NTMT1: variants seen among roughly 807,000 people sequenced by gnomAD.
NTMT1 encodes the protein N-terminal RCC1 methyltransferase.
NTMT1 carries 8 observed loss-of-function variants against 17.5 expected under a neutral mutation model. The observed-to-expected ratio is 0.46, with a 90% CI of 0.27 to 0.82. NTMT1 has a LOEUF of 0.82. NTMT1 is among the 40% of genes least tolerant of loss of function. The probability of loss-of-function intolerance (pLI) is 0.15; values close to 1 mark genes in which losing one functional copy is unlikely to be tolerated. For synonymous variants in NTMT1, 128 were observed against 126.8 expected, an observed-to-expected ratio of 1.01 and a Z score of -0.06; for missense variants, 221 against 303.5, an observed-to-expected ratio of 0.73 and a Z score of 2.02.
At chr9:129,611,392 T>A (rs1830112438) in intron 1 of NTMT1, among the ~76,000 whole-genome samples, 1 of 152,194 alleles carries the variant, frequency 6.6e-6, no homozygotes, top group South Asian at 2.1e-4. Context: ...GTCTGCCACC[T>A]TGTCTTTCGC....
intron 1 of NTMT1, chr9:129,612,380 CAGG>C (rs1830135515): frequency 5.6e-6 from 9 of 1,613,548 alleles, no homozygotes; most frequent in East Asian, 2.2e-5. Context: ...TTGCGGAGGC[CAGG>C]AGGAGATGGT....
At chr9:129,624,119 T>C (rs1245816515), upstream of NTMT1, among the ~76,000 whole-genome samples, 2 of 152,050 alleles carry the variant, frequency 1.3e-5, no homozygotes, top group African/African-American at 4.8e-5. Flanking sequence ...TAAGGAGCCC[T>C]CCAGCCCTTG....
intron 1 of NTMT1, among the ~76,000 whole-genome samples, chr9:129,609,617 G>C (rs1294124010): frequency 6.6e-6 from 1 of 151,696 alleles, no homozygotes; most frequent in Non-Finnish European, 1.5e-5. Flanking sequence ...CCCTGTTGGG[G>C]CCCCTGGGGA....
intron 1 of NTMT1, chr9:129,612,388 G>C: frequency 2.5e-6 from 4 of 1,613,444 alleles, no homozygotes; most frequent in Non-Finnish European, 3.4e-6. Context: ...GCCAGGAGGA[G>C]ATGGTACCCC....
At chr9:129,632,453 T>TG in intron 1 of NTMT1, among the ~76,000 whole-genome samples, 197 bp from the exon 2 acceptor site, 1 of 152,312 alleles carries the variant, frequency 6.6e-6, no homozygotes, top group East Asian at 1.9e-4. Context: ...AGCCAGGACT[T>TG]GGGGCGGGTG....
chr9:129,613,335 C>A lies in NTMT1; in HGVS notation c.-55+4157C>A. ...CTGGCAGGGCCCTTGAGGACCCACA[C>A]TGGCAACCCGCCTGCTGCTGGGTGG... is the stretch of plus-strand genomic sequence containing the variant. On this transcript the variant is annotated intron_variant, in intron 1 of 3. Coordinates refer to the NTMT1 transcript ENST00000372486. This position sits in a 1 kb window ranked among gnomAD's most constrained non-coding sequence, Gnocchi z 6.2. 1 of 1,566,458 alleles carries A rather than the reference C, an allele frequency of 6.4e-7. No individual in the cohort carries two copies. The highest frequency in any genetic ancestry group is 8.7e-7 in the Non-Finnish European group (1 of 1,155,000).
chr9:129,623,072 G>C (rs1414770520), upstream of NTMT1, among the ~76,000 whole-genome samples: 1 of 150,862 alleles, frequency 6.6e-6, no homozygotes, highest in East Asian at 2.0e-4. Context: ...GGTGGCTCAC[G>C]CCTGTAATCC....
rs371226067 is a variant in NTMT1 at position 129,632,656 on chromosome 9, C to T, written c.-48C>T. On this transcript the variant is annotated 5_prime_UTR_variant, in exon 2 of 4. Transcript: ENST00000372483. ...CGCCCCCTTCCTTACCCAGGAGAGT[C>T]GCGGTTGCTGATCGTGGTGCTTGAG... 3.1e-6 allele frequency: 5 copies of T among 1,605,326 alleles called. No homozygotes were observed. Among genetic ancestry groups the T allele is most frequent in the Middle Eastern group, 1.7e-4 (1 of 6,050 alleles).
chr9:129,625,517 T>A (rs1023608469), upstream of NTMT1, among the ~76,000 whole-genome samples: 4 of 152,148 alleles, frequency 2.6e-5, no homozygotes, highest in Admixed American at 2.6e-4. Flanking sequence ...GCTGCGGCTC[T>A]TTTCCGTTCG....
rs1387642448 is a variant in NTMT1 at position 129,626,221 on chromosome 9, TG to T, written c.-127del. 1.3e-5 allele frequency: 2 copies of T among 152,058 alleles called. No homozygotes were observed. The highest frequency in any genetic ancestry group is 4.8e-5 in the African/African-American group (2 of 41,396). The allele number at this position is 152,058 out of a possible 1,614,324, so 9.4% of individuals were successfully genotyped here. On this transcript the variant is annotated 5_prime_UTR_variant, in exon 1 of 4. Coordinates refer to ENST00000372483, the MANE Select transcript of NTMT1 (RefSeq NM_014064.4). ...GTCTGGCGGAGCTGCGGTTGGCTTG[TG>T]GCGTCTCCGCCGCCGCCGCCCTCCC...
In NTMT1 at chr9:129,620,764, T is replaced by G. The variant is rs1830664988; in HGVS notation, c.-55+11586T>G. 2.2e-6 allele frequency: 1 copy of G among 464,836 alleles called. No homozygotes were observed. Among genetic ancestry groups the G allele is most frequent in the Non-Finnish European group, 3.5e-6 (1 of 288,434 alleles). The allele number at this position is 464,836 out of a possible 1,614,324, so 28.8% of individuals were successfully genotyped here. On this transcript the variant is annotated intron_variant, in intron 1 of 3. Coordinates refer to the NTMT1 transcript ENST00000372486. This position sits in a 1 kb window ranked among gnomAD's most constrained non-coding sequence, Gnocchi z 5.8. ...GAGAGCTCCCAGAGCCTCTGTTTCCTCACCTGAAAAATGGTGACAGCAAGA... is the reference window on the plus strand; with the variant it reads ...GAGAGCTCCCAGAGCCTCTGTTTCCGCACCTGAAAAATGGTGACAGCAAGA...
At position 129,620,871 on chromosome 9, in the gene NTMT1, A is replaced by G; in HGVS notation, c.-55+11693A>G. ...AGAACAGCAAGCTCGGTACAGTGCC[A>G]GGCACGCTGGCCAAGCTTACACATA... On this transcript the variant is annotated intron_variant, in intron 1 of 3. Coordinates refer to the NTMT1 transcript ENST00000372486. This position sits in a 1 kb window ranked among gnomAD's most constrained non-coding sequence, Gnocchi z 5.8. 1 of 327,918 alleles carries G rather than the reference A, an allele frequency of 3.0e-6. No individual in the cohort carries two copies. The highest frequency in any genetic ancestry group is 5.5e-6 in the Non-Finnish European group (1 of 181,556). 20.3% of individuals were successfully genotyped at this position (327,918 alleles called of 1,614,324 possible).
intron 3 of NTMT1, 124 bp downstream of exon 3, chr9:129,634,430 C>G: frequency 3.6e-6 from 4 of 1,110,100 alleles, no homozygotes; most frequent in Non-Finnish European, 5.0e-6. Context: ...TTCCCCACCC[C>G]GCCCAGGCCC....
upstream of NTMT1, among the ~76,000 whole-genome samples, chr9:129,622,977 C>T (rs376072424): frequency 1.7e-4 from 24 of 144,638 alleles, no homozygotes; most frequent in East Asian, 2.7e-3. Flanking sequence ...TGCAGTGAGC[C>T]GAGATCACGC....
chr9:129,614,325 G>A lies in NTMT1; in HGVS notation c.-55+5147G>A, dbSNP rs767463702. Reference sequence around the variant, plus strand: ...GCAAAAATCACAGCTTCTAACTCCAGCTTCCTGTCACGCTAAGGAGGCTGC... The same window carrying A: ...GCAAAAATCACAGCTTCTAACTCCAACTTCCTGTCACGCTAAGGAGGCTGC... On this transcript the variant is annotated intron_variant, in intron 1 of 3. Transcript: ENST00000372486. The surrounding 1 kb of genome is among the most constrained non-coding windows in gnomAD (Gnocchi z 4.4). Among the ~76,000 whole-genome samples, 1 of 152,302 alleles carries A rather than the reference G, an allele frequency of 6.6e-6. No individual in the cohort carries two copies. Among genetic ancestry groups the A allele is most frequent in the South Asian group, 2.1e-4 (1 of 4,824 alleles).
chr9:129,610,654 G>A (rs1338736477), intron 1 of NTMT1, among the ~76,000 whole-genome samples: 1 of 151,968 alleles, frequency 6.6e-6, no homozygotes, highest in Non-Finnish European at 1.5e-5. Flanking sequence ...CCTGGAGCGA[G>A]AGGCTGAGAA....
At position 129,635,362 on chromosome 9, in the gene NTMT1, C is replaced by T. The variant is rs1458921444; in HGVS notation, c.570C>T (p.Val190=). The T allele has an allele frequency of 6.2e-7, 1 of 1,613,790 alleles. No individual in the cohort carries two copies. The highest frequency in any genetic ancestry group is 8.5e-7 in the Non-Finnish European group (1 of 1,180,026). Reference sequence around the variant, plus strand: ...GCGTGTGCCGGGACCTTGACGTGGTCCGCAGGATCATCTGCAGTGCAGGCC... The same window carrying T: ...GCGTGTGCCGGGACCTTGACGTGGTTCGCAGGATCATCTGCAGTGCAGGCC... The part of the protein sequence containing the change: ...DSSVCRDLDV[V]RRIICSAGLS... Residue 190 remains valine (V), a synonymous_variant, in exon 4 of 4, where the codon GTC becomes GTT. Coordinates refer to ENST00000372483, the MANE Select transcript of NTMT1 (RefSeq NM_014064.4).
In NTMT1 at chr9:129,614,942, A is replaced by C. The variant is rs531398067; in HGVS notation, c.-55+5764A>C. Among the ~76,000 whole-genome samples the C allele has an allele frequency of 1.3e-5, 2 of 152,148 alleles. No individual in the cohort carries two copies. The highest frequency in any genetic ancestry group is 1.3e-4 in the Admixed American group (2 of 15,292). On this transcript the variant is annotated intron_variant, in intron 1 of 3. Transcript: ENST00000372486. This position sits in a 1 kb window ranked among gnomAD's most constrained non-coding sequence, Gnocchi z 4.4. Reference sequence around the variant, plus strand: ...AAAAGAAAACTCACTGGGAACTGCAAAACAGACACCATTACATCCAGGGTC... The same window carrying C: ...AAAAGAAAACTCACTGGGAACTGCACAACAGACACCATTACATCCAGGGTC...
At chr9:129,625,490 G>A (rs1185204672), upstream of NTMT1, among the ~76,000 whole-genome samples, 1 of 152,172 alleles carries the variant, frequency 6.6e-6, no homozygotes, top group Non-Finnish European at 1.5e-5. Flanking sequence ...ACGTGCTGGG[G>A]ACGGGGAGAG....
Sources: gnomAD v4.1 joint callset for allele counts (sites outside exome capture counted in the v4.1 genomes callset) on GRCh38, gnomAD v4.1.1 for gene constraint, Gnocchi (gnomAD v3.1) non-coding constraint, MANE v1.5 for transcripts, NCBI Gene and HGNC (gene_info 2026-07-23, HGNC 2026-07-21) for gene names.